PPP2R3A: variants seen among roughly 807,000 people sequenced by gnomAD.
PPP2R3A encodes serine/threonine-protein phosphatase 2A regulatory subunit B'' subunit alpha.
A neutral mutation model predicts 106.9 loss-of-function variants in PPP2R3A; 80 were observed. The ratio of observed to expected loss-of-function variants is 0.75; its 90% CI spans 0.62 to 0.90. PPP2R3A has a LOEUF of 0.90. Among genes scored for constraint, PPP2R3A ranks in the 40% least tolerant of loss-of-function variants. PPP2R3A has a pLI of 0.00. For synonymous variants in PPP2R3A, 483 were observed against 468.3 expected (o/e 1.03, Z -0.41); for missense variants, 1,386 against 1,350.4 (o/e 1.03, Z -0.41).
intron 8 of PPP2R3A, among the ~76,000 whole-genome samples, chr3:136,087,242 C>CGT (rs923472127): frequency 5.9e-5 from 4 of 67,796 alleles, no homozygotes; most frequent in Non-Finnish European, 6.2e-5. Context: ...GGTCTCTAGT[C>CGT]GTGTCTCTCT....
In PPP2R3A at chr3:136,114,286, T is replaced by C. The variant is rs2107988269; in HGVS notation, c.3329+7964T>C. Among the ~76,000 whole-genome samples the C allele has an allele frequency of 2.0e-5, 3 of 152,266 alleles. No homozygotes were observed. The East Asian group carries it at 5.8e-4, about 29-fold the overall frequency. On this transcript the variant is annotated intron_variant, in intron 13 of 13. Coordinates refer to ENST00000264977, the MANE Select transcript of PPP2R3A (RefSeq NM_002718.5). ...ACTACCCACAGACCAGGAGATTCTC[T>C]CCAGTGCCTACACCACCAGGGCCCT...
intron 1 of PPP2R3A, among the ~76,000 whole-genome samples, chr3:135,974,578 T>G (rs1349651614): frequency 6.6e-6 from 1 of 152,218 alleles, no homozygotes; most frequent in East Asian, 1.9e-4. Flanking sequence ...GGGGACTTTT[T>G]TCTTCTTCCA....
rs967045801 is a variant in PPP2R3A at position 135,997,498 on chromosome 3, CACCCT to C, written c.-440-3560_-440-3556del. Among the ~76,000 whole-genome samples the C allele has an allele frequency of 5.7e-4, 87 of 152,316 alleles. 1 individual carries two copies. The highest frequency in any genetic ancestry group is 1.8e-3 in the African/African-American group (76 of 41,576). On this transcript the variant is annotated intron_variant, in intron 1 of 13. Transcript: ENST00000264977. ...CAGAGCTCCCCTCACTTTATGCACT[CACCCT>C]GAGTAAATTCTCAGAGCTGCGTCTC...
chr3:136,050,590 A>C (rs1030632128), intron 5 of PPP2R3A, among the ~76,000 whole-genome samples: 3 of 152,166 alleles, frequency 2.0e-5, no homozygotes, highest in African/African-American at 7.2e-5. Context: ...GAAGATACCC[A>C]TGGCCCGTCT....
chr3:136,095,850 C>A (rs998384839), intron 10 of PPP2R3A, among the ~76,000 whole-genome samples: 1 of 152,074 alleles, frequency 6.6e-6, no homozygotes, highest in Admixed American at 6.6e-5. Flanking sequence ...ATAGTGTCCA[C>A]CATTTTGGCA....
chr3:136,011,099 C>G (rs1297015302), intron 2 of PPP2R3A, among the ~76,000 whole-genome samples: 1 of 152,106 alleles, frequency 6.6e-6, no homozygotes, highest in African/African-American at 2.4e-5. Flanking sequence ...CCACCCCATA[C>G]CTGCAGGACT....
intron 3 of PPP2R3A, among the ~76,000 whole-genome samples, chr3:136,040,068 G>C (rs1025431558): frequency 6.6e-6 from 1 of 152,142 alleles, no homozygotes; most frequent in Non-Finnish European, 1.5e-5. Flanking sequence ...AGCAGTCTAG[G>C]ATTTTCTGGT....
At chr3:136,143,543 A>G (rs1007413475) in intron 13 of PPP2R3A, among the ~76,000 whole-genome samples, 8 of 152,086 alleles carry the variant, frequency 5.3e-5, no homozygotes, top group African/African-American at 1.9e-4. Context: ...TAATCCCAGC[A>G]TTTTGGGAGG....
intron 3 of PPP2R3A, among the ~76,000 whole-genome samples, chr3:136,034,454 A>G (rs1047764999): frequency 6.6e-6 from 1 of 152,136 alleles, no homozygotes; most frequent in African/African-American, 2.4e-5. Flanking sequence ...GAATGTTTTA[A>G]TTTCCATCTT....
At chr3:135,991,492 A>G (rs928148732) in intron 1 of PPP2R3A, among the ~76,000 whole-genome samples, 2 of 145,470 alleles carry the variant, frequency 1.4e-5, no homozygotes, top group African/African-American at 5.7e-5. Flanking sequence ...TTTAACCCCA[A>G]ATATTCCTTT....
chr3:136,115,704 T>A (rs550666937), intron 13 of PPP2R3A, among the ~76,000 whole-genome samples: 10 of 151,198 alleles, frequency 6.6e-5, no homozygotes, highest in African/African-American at 1.9e-4. Flanking sequence ...AAAAAAAGAA[T>A]GAAAAGGAAC....
chr3:136,076,827 G>C (rs1451875965), intron 6 of PPP2R3A, among the ~76,000 whole-genome samples: 1 of 152,084 alleles, frequency 6.6e-6, no homozygotes, highest in Non-Finnish European at 1.5e-5. Context: ...GGCACCTGTA[G>C]TGCCAGCTAC....
At chr3:136,034,039 C>CTTTTTTT (rs71157353) in intron 3 of PPP2R3A, among the ~76,000 whole-genome samples, 1 of 131,390 alleles carries the variant, frequency 7.6e-6, no homozygotes, top group Non-Finnish European at 1.6e-5. Context: ...TTTTCTTTTT[C>CTTTTTTT]TTTTTTTTTT....
chr3:136,136,041 G>A (rs1343606535), intron 13 of PPP2R3A, among the ~76,000 whole-genome samples: 14 of 82,364 alleles, frequency 1.7e-4, no homozygotes, highest in Admixed American at 6.3e-4. Flanking sequence ...GCAAGACTCC[G>A]TCTCAAAAAA....
At chr3:136,083,451 C>A (rs1194486841) in intron 8 of PPP2R3A, among the ~76,000 whole-genome samples, 1 of 152,196 alleles carries the variant, frequency 6.6e-6, no homozygotes, top group African/African-American at 2.4e-5. Context: ...CCTTTGCCTT[C>A]CGCCATGATT....
chr3:136,092,479 G>A (rs182056435), intron 10 of PPP2R3A, among the ~76,000 whole-genome samples: 138 of 152,080 alleles, frequency 9.1e-4, no homozygotes, highest in Admixed American at 7.5e-3. Flanking sequence ...TTTGTTTTTC[G>A]ATGGTTTTTA....
intron 2 of PPP2R3A, among the ~76,000 whole-genome samples, chr3:136,011,318 G>A (rs1934065866): frequency 6.6e-6 from 1 of 151,854 alleles, no homozygotes; most frequent in African/African-American, 2.4e-5. Context: ...AAACCTCTAT[G>A]AGAACAGGGA....
chr3:136,076,451 C>T (rs1373877418), intron 6 of PPP2R3A, among the ~76,000 whole-genome samples: 2 of 152,092 alleles, frequency 1.3e-5, no homozygotes, highest in Non-Finnish European at 2.9e-5. Flanking sequence ...AAATAATAGA[C>T]AAAAATACTG....
chr3:136,004,775 C>T (rs1306006130), intron 2 of PPP2R3A, among the ~76,000 whole-genome samples: 2 of 152,038 alleles, frequency 1.3e-5, no homozygotes, highest in African/African-American at 4.8e-5. Context: ...GTACAGGGGG[C>T]CTGAATAGTA....
Sources: allele counts gnomAD v4.1 joint callset (sites outside exome capture counted in the v4.1 genomes callset), GRCh38; gene constraint gnomAD v4.1.1; transcripts MANE v1.5; gene names NCBI Gene and HGNC (gene_info 2026-07-23, HGNC 2026-07-21).